Variants in PCP4 observed in about 807,000 individuals in gnomAD.
The protein encoded by PCP4 is calmodulin regulator protein PCP4.
PCP4 carries 8 observed loss-of-function variants against 10.0 expected under a neutral mutation model. The observed-to-expected ratio is 0.80, with a 90% CI of 0.47 to 1.45. The LOEUF (loss-of-function observed/expected upper bound fraction) is 1.45. Ranked by LOEUF, PCP4 falls within the 40% of genes most tolerant of loss-of-function variation. The probability of loss-of-function intolerance (pLI) is 0.00; values close to 1 mark genes in which losing one functional copy is unlikely to be tolerated. For missense variants in PCP4, 54 were observed against 74.4 expected, an observed-to-expected ratio of 0.73 and a Z score of 1.01; for synonymous variants, 21 against 23.0, an observed-to-expected ratio of 0.91 and a Z score of 0.24.
chr21:39,928,180 C>A lies in PCP4; in HGVS notation c.62-804C>A, dbSNP rs145246006. ...ACTATACACTCTACGGCCATACCACCCTGAACACGCCGGGTCTCATCAGAC... is the reference window on the plus strand; with the variant it reads ...ACTATACACTCTACGGCCATACCACACTGAACACGCCGGGTCTCATCAGAC... On this transcript the variant is annotated intron_variant, in intron 2 of 2. Transcript: ENST00000328619. Among the ~76,000 whole-genome samples, 634 of 152,200 alleles carry A rather than the reference C, an allele frequency of 4.2e-3. 4 individuals are homozygous for A. The highest frequency in any genetic ancestry group is 0.015 in the African/African-American group (604 of 41,518).
chr21:39,875,142 A>G (rs1261128400), intron 1 of PCP4, among the ~76,000 whole-genome samples: 1 of 152,322 alleles, frequency 6.6e-6, no homozygotes, highest in Middle Eastern at 3.4e-3. Flanking sequence ...TCTTTATTAA[A>G]TAATAGCCAC....
At chr21:39,898,847 T>C (rs562857015) in intron 2 of PCP4, among the ~76,000 whole-genome samples, 2 of 152,278 alleles carry the variant, frequency 1.3e-5, no homozygotes, top group South Asian at 2.1e-4. Flanking sequence ...GTTGTGAGGA[T>C]AAAATGAGAT....
intron 1 of PCP4, among the ~76,000 whole-genome samples, chr21:39,882,484 A>G (rs2037915): frequency 0.033 from 5,074 of 152,262 alleles, 282 homozygotes; most frequent in African/African-American, 0.11. Context: ...AGCTGGCATT[A>G]CTGCTGAAAG....
intron 2 of PCP4, among the ~76,000 whole-genome samples, chr21:39,902,961 C>T (rs572407671): frequency 1.3e-5 from 2 of 152,294 alleles, no homozygotes; most frequent in South Asian, 4.1e-4. Context: ...AATATAGACA[C>T]AACCATCTGA....
chr21:39,922,780 T>C (rs1293138877), intron 2 of PCP4, among the ~76,000 whole-genome samples: 1 of 152,222 alleles, frequency 6.6e-6, no homozygotes, highest in Admixed American at 6.5e-5. Flanking sequence ...AATGTAGCAG[T>C]TCACGTAGCT....
chr21:39,906,369 C>T lies in PCP4; in HGVS notation c.61+7842C>T, dbSNP rs961169931. On this transcript the variant is annotated intron_variant, in intron 2 of 2. Transcript: ENST00000328619. This position sits in a 1 kb window ranked among gnomAD's most constrained non-coding sequence, Gnocchi z 6.3. The stretch of plus-strand genomic sequence containing the variant: ...ACCAGAAACTATTGTATCCATAGTA[C>T]CATTATCCCATCAGTTTAGTTAACT... Among the ~76,000 whole-genome samples the T allele has an allele frequency of 7.9e-5, 12 of 152,286 alleles. No homozygotes were observed. The highest frequency in any genetic ancestry group is 7.8e-4 in the Admixed American group (12 of 15,296).
chr21:39,888,324 T>C (rs1464129408), intron 1 of PCP4, among the ~76,000 whole-genome samples: 4 of 152,232 alleles, frequency 2.6e-5, no homozygotes, highest in Non-Finnish European at 5.9e-5. Flanking sequence ...GGCAAAATTT[T>C]AAAGAGGACT....
chr21:39,927,685 G>A (rs975577781), intron 2 of PCP4, among the ~76,000 whole-genome samples: 8 of 152,172 alleles, frequency 5.3e-5, no homozygotes, highest in Non-Finnish European at 8.8e-5. Flanking sequence ...CTAGGTGCAA[G>A]CCCAGGGTGG....
rs79230303 is a variant in PCP4, at chr21:39,906,639, C to T, written c.61+8112C>T. Among the ~76,000 whole-genome samples, 1,601 of 151,296 alleles carry T rather than the reference C, an allele frequency of 0.011. 33 individuals carry two copies. The highest frequency in any genetic ancestry group is 0.038 in the African/African-American group (1,550 of 41,190). ...CTTCCTACCTTTCATCCTTTTCTTC[C>T]TTCTTTCTTTTTGAGATTGAGCAGT... is the stretch of plus-strand genomic sequence containing the variant. On this transcript the variant is annotated intron_variant, in intron 2 of 2. Coordinates refer to ENST00000328619, the MANE Select transcript of PCP4 (RefSeq NM_006198.3). The surrounding 1 kb of genome is among the most constrained non-coding windows in gnomAD (Gnocchi z 6.3).
At chr21:39,899,439 G>A (rs1338351352) in intron 2 of PCP4, among the ~76,000 whole-genome samples, 1 of 152,098 alleles carries the variant, frequency 6.6e-6, no homozygotes, top group Non-Finnish European at 1.5e-5. Flanking sequence ...AAATACCATC[G>A]GTTAAAATTC....
At chr21:39,884,687 C>T (rs998018282) in intron 1 of PCP4, among the ~76,000 whole-genome samples, 6 of 152,000 alleles carry the variant, frequency 3.9e-5, no homozygotes, top group Admixed American at 3.9e-4. Flanking sequence ...ATCCCAGCTA[C>T]TCGGGAGGCT....
intron 1 of PCP4, among the ~76,000 whole-genome samples, chr21:39,880,442 C>T (rs2087369619): frequency 6.6e-6 from 1 of 152,014 alleles, no homozygotes; most frequent in Non-Finnish European, 1.5e-5. Flanking sequence ...TGTGCATGTA[C>T]ATCTGTGTGT....
intron 1 of PCP4, among the ~76,000 whole-genome samples, chr21:39,871,173 A>G (rs1353937439): frequency 6.6e-6 from 1 of 152,254 alleles, no homozygotes; most frequent in East Asian, 1.9e-4. Flanking sequence ...TAGAAAAAAC[A>G]TGAATTAAAA....
At chr21:39,896,197 T>A (rs2087456346) in intron 1 of PCP4, among the ~76,000 whole-genome samples, 1 of 152,220 alleles carries the variant, frequency 6.6e-6, no homozygotes, top group South Asian at 2.1e-4. Flanking sequence ...ATTTAAGGCA[T>A]TTAAAGACTG....
intron 1 of PCP4, among the ~76,000 whole-genome samples, chr21:39,890,582 TG>T (rs2146333233): frequency 6.6e-6 from 1 of 152,022 alleles, no homozygotes; most frequent in Non-Finnish European, 1.5e-5. Context: ...TTGGCCAGGC[TG>T]GTCTCAAACT....
chr21:39,874,661 C>T (rs200732540), intron 1 of PCP4, among the ~76,000 whole-genome samples: 1 of 140,410 alleles, frequency 7.1e-6, no homozygotes, highest in African/African-American at 2.7e-5. Context: ...TTTTCAAGAT[C>T]TTTTTTTTTT....
In PCP4 at chr21:39,896,487, C is replaced by T. The variant is rs187789427; in HGVS notation, c.10-1989C>T. ...GAGGAGGCATCAACATAAGGACAGA[C>T]AAAAAGAAGCAGGCATTTTTACTTG... On this transcript the variant is annotated intron_variant, in intron 1 of 2. Transcript: ENST00000328619. Among the ~76,000 whole-genome samples, 8 of 152,188 alleles carry T rather than the reference C, an allele frequency of 5.3e-5. No individual in the cohort carries two copies. In the East Asian group the frequency reaches 7.7e-4, roughly 15 times the overall value.
At chr21:39,905,191 C>T (rs193211786) in intron 2 of PCP4, among the ~76,000 whole-genome samples, 17 of 152,096 alleles carry the variant, frequency 1.1e-4, no homozygotes, top group East Asian at 1.9e-4. Context: ...CAAACAGCTC[C>T]GGTCTCCATC....
rs1243148204 is a variant in PCP4 at position 39,898,490 on chromosome 21, G to A, written c.24G>A (p.Gly8=). 1.7e-5 allele frequency: 27 copies of A among 1,613,738 alleles called. No individual in the cohort carries two copies. The highest frequency in any genetic ancestry group is 2.2e-5 in the South Asian group (2 of 91,046). The part of the protein sequence containing the change: MSERQGA[G]ATNGKDKTSG... ...TTTGCCTTTAGCGACAAGGTGCTGG[G>A]GCAACCAATGGAAAAGACAAGACAT... Residue 8 remains glycine, a synonymous_variant, in exon 2 of 3, where the codon GGG becomes GGA. Coordinates refer to ENST00000328619, the MANE Select transcript of PCP4 (RefSeq NM_006198.3).
Sources: allele counts gnomAD v4.1 joint callset (sites outside exome capture counted in the v4.1 genomes callset), GRCh38; gene constraint gnomAD v4.1.1; non-coding constraint Gnocchi (gnomAD v3.1); transcripts MANE v1.5; gene names NCBI Gene and HGNC (gene_info 2026-07-23, HGNC 2026-07-21).